Variants in PLB1 observed in about 807,000 individuals in gnomAD.
PLB1 encodes the protein phospholipase B1.
In PLB1, 242 loss-of-function variants were observed where a neutral mutation model predicts 227.4. The ratio of observed to expected loss-of-function variants is 1.06; its 90% confidence interval spans 0.96 to 1.18. The LOEUF is 1.18. PLB1 is among the 50% of genes most tolerant of loss of function. The pLI is 0.00. For synonymous variants in PLB1, 757 were observed against 682.2 expected, an observed-to-expected ratio of 1.11 and a Z score of -1.71; for missense variants, 1,858 against 1,816.3, an observed-to-expected ratio of 1.02 and a Z score of -0.42.
intron 20 of PLB1, among the ~76,000 whole-genome samples, chr2:28,568,477 G>T (rs1041236817): frequency 3.3e-5 from 5 of 152,302 alleles, no homozygotes; most frequent in East Asian, 3.9e-4. Flanking sequence ...AAGACTATTT[G>T]ATTATAGGGG....
chr2:28,532,305 C>A, intron 9 of PLB1, 111 bp downstream of exon 9: 1 of 738,822 alleles, frequency 1.4e-6, no homozygotes, highest in Non-Finnish European at 2.2e-6. Flanking sequence ...GCTAATGCCA[C>A]CTATTTTAGA....
intron 14 of PLB1, among the ~76,000 whole-genome samples, chr2:28,547,058 G>T (rs1383430205): frequency 6.6e-6 from 1 of 151,994 alleles, no homozygotes; most frequent in African/African-American, 2.4e-5. Flanking sequence ...GAAATTAGCT[G>T]GGTATGGTGT....
At chr2:28,625,628 G>C (rs578008299) in intron 50 of PLB1, among the ~76,000 whole-genome samples, 1 of 151,890 alleles carries the variant, frequency 6.6e-6, no homozygotes, top group Non-Finnish European at 1.5e-5. Context: ...CCCCAACCCC[G>C]CTTCTCAGTC....
intron 9 of PLB1, among the ~76,000 whole-genome samples, chr2:28,537,257 C>G (rs1047467403): frequency 6.6e-6 from 1 of 152,134 alleles, no homozygotes; most frequent in South Asian, 2.1e-4. Flanking sequence ...TGCCTGTGTC[C>G]CCTCCGGGAA....
chr2:28,605,831 G>A, intron 41 of PLB1, 22 bp from the exon 42 acceptor site: 1 of 1,578,494 alleles, frequency 6.3e-7, no homozygotes, highest in South Asian at 1.1e-5. Context: ...GGATCTTGAG[G>A]GGGTATATTG....
intron 44 of PLB1, among the ~76,000 whole-genome samples, chr2:28,616,557 C>T (rs952428052): frequency 1.3e-5 from 2 of 152,176 alleles, no homozygotes; most frequent in South Asian, 2.1e-4. Flanking sequence ...CGGATGAGCA[C>T]GTTTCAATTC....
intron 6 of PLB1, 125 bp downstream of exon 6, chr2:28,526,070 G>T: frequency 9.0e-7 from 1 of 1,106,556 alleles, no homozygotes; most frequent in Non-Finnish European, 1.3e-6. Flanking sequence ...GGAGAAAGGG[G>T]ACGGTGTTCT....
At chr2:28,574,068 A>G (rs893348297) in intron 21 of PLB1, among the ~76,000 whole-genome samples, 3 of 152,198 alleles carry the variant, frequency 2.0e-5, no homozygotes, top group Non-Finnish European at 4.4e-5. Context: ...CTGCATTCCA[A>G]GATTCCAGGG....
chr2:28,639,636 AAACC>A (rs2148352531), intron 56 of PLB1, among the ~76,000 whole-genome samples: 1 of 152,378 alleles, frequency 6.6e-6, no homozygotes, highest in South Asian at 2.1e-4. Flanking sequence ...TGCACTCATC[AAACC>A]CTTGTAATCA....
At chr2:28,498,078 A>G (rs1666677507) in intron 1 of PLB1, among the ~76,000 whole-genome samples, 1 of 151,736 alleles carries the variant, frequency 6.6e-6, no homozygotes, top group South Asian at 2.1e-4. Flanking sequence ...TTTGTATCTT[A>G]AATAACTCCT....
chr2:28,614,908 G>A (rs1365844335), intron 44 of PLB1, among the ~76,000 whole-genome samples: 1 of 152,178 alleles, frequency 6.6e-6, no homozygotes, highest in East Asian at 1.9e-4. Context: ...CCAGACAGAT[G>A]GATCCCGGCC....
At chr2:28,593,947 CT>C (rs386389801) in intron 33 of PLB1, 193 bp downstream of exon 33, 26,579 of 602,844 alleles carry the variant, frequency 0.044, no homozygotes, top group East Asian at 0.18. Context: ...TGTTGATAAT[CT>C]TTTTTTTTTT....
rs553772813 is a variant in PLB1 at position 28,525,241 on chromosome 2, G to C, written c.244-26G>C. On this transcript the variant is annotated intron_variant, in intron 4 of 57. Transcript: ENST00000327757. ...AGGCTCTGCCACCTCCCCTGGCTGG[G>C]TGTTAACATTGAGTATCTATTCCAG... 1.3e-5 allele frequency: 21 copies of C among 1,611,296 alleles called. 2 individuals are homozygous for C. The Middle Eastern group carries it at 5.7e-4, about 44-fold the overall frequency.
At chr2:28,608,878 A>G (rs756761670) in intron 43 of PLB1, among the ~76,000 whole-genome samples, 1 of 151,754 alleles carries the variant, frequency 6.6e-6, no homozygotes, top group Non-Finnish European at 1.5e-5. Context: ...AAATGTAGAT[A>G]TTCTCCAATT....
chr2:28,554,851 G>A (rs1468842845), intron 17 of PLB1, among the ~76,000 whole-genome samples: 1 of 152,048 alleles, frequency 6.6e-6, no homozygotes, highest in East Asian at 1.9e-4. Flanking sequence ...GAAGATTAGT[G>A]TGTTTATCAG....
chr2:28,628,701 A>C, intron 52 of PLB1, 73 bp downstream of exon 52: 1 of 1,441,606 alleles, frequency 6.9e-7, no homozygotes, highest in Non-Finnish European at 9.8e-7. Context: ...GGCTGTGTTC[A>C]GTGAGATGCT....
rs1688696697 is a variant in PLB1 at position 28,632,018 on chromosome 2, TTCTC to T, written c.3898-12_3898-9del. ...AGCCTTGCCAGGAGGGTTGAGCAGCTTCTCTCTCTGTCCCCAGCATGGCATCTCC... is the reference window on the plus strand; with the variant it reads ...AGCCTTGCCAGGAGGGTTGAGCAGCTTCTCTGTCCCCAGCATGGCATCTCC... On this transcript the variant is annotated splice_polypyrimidine_tract_variant and intron_variant, in intron 54 of 57. Coordinates refer to ENST00000327757, the MANE Select transcript of PLB1 (RefSeq NM_153021.5). 2 of 1,604,120 alleles carry T rather than the reference TTCTC, an allele frequency of 1.2e-6. No individual in the cohort carries two copies. The highest frequency in any genetic ancestry group is 1.1e-5 in the South Asian group (1 of 90,872).
chr2:28,640,115 G>A (rs938586010), intron 56 of PLB1, among the ~76,000 whole-genome samples: 1 of 152,218 alleles, frequency 6.6e-6, no homozygotes, highest in African/African-American at 2.4e-5. Flanking sequence ...AGCTCAGATA[G>A]TGAACTTTCA....
intron 4 of PLB1, among the ~76,000 whole-genome samples, chr2:28,524,445 G>A (rs1669944192): frequency 6.6e-6 from 1 of 152,128 alleles, no homozygotes; most frequent in Non-Finnish European, 1.5e-5. Flanking sequence ...ATGTTGCCCA[G>A]CATTTTACCA....
Sources: gnomAD v4.1 joint callset for allele counts (sites outside exome capture counted in the v4.1 genomes callset) on GRCh38, gnomAD v4.1.1 for gene constraint, MANE v1.5 for transcripts, NCBI Gene and HGNC (gene_info 2026-07-23, HGNC 2026-07-21) for gene names.